EPB41L5: variants seen among roughly 807,000 people sequenced by gnomAD.
EPB41L5 encodes band 4.1-like protein 5.
Under a neutral mutation model 106.6 loss-of-function variants are expected in EPB41L5, and 55 were observed. The ratio of observed to expected loss-of-function variants is 0.52; its 90% confidence interval spans 0.42 to 0.65. EPB41L5 has a LOEUF of 0.65. Ranked by LOEUF, EPB41L5 falls within the 30% of genes least tolerant of loss-of-function variation. The pLI, the probability that EPB41L5 is intolerant of heterozygous loss-of-function variation, is 0.00. For missense variants in EPB41L5, 871 were observed against 882.1 expected (o/e 0.99, Z 0.16); for synonymous variants, 297 against 306.7 (o/e 0.97, Z 0.33).
intron 18 of EPB41L5, among the ~76,000 whole-genome samples, chr2:120,141,276 A>T (rs912102465): frequency 2.6e-5 from 4 of 152,142 alleles, no homozygotes; most frequent in African/African-American, 9.6e-5. Context: ...TCTAAATCCC[A>T]CAGAAGTTAA....
chr2:120,064,627 C>T (rs1393715135), intron 3 of EPB41L5, among the ~76,000 whole-genome samples: 2 of 152,154 alleles, frequency 1.3e-5, no homozygotes, highest in African/African-American at 4.8e-5. Context: ...ATGTGGCTTT[C>T]TACATCCTTT....
Position 120,047,921 on chromosome 2 carries a change from T to C in EPB41L5, c.285+5811T>C, listed in dbSNP as rs915724928. ...TTTTCTGCATCTATTGAGATAATCATGTGTTTTTTGTCTTTGCTTCTGTTT... is the reference window on the plus strand; with the variant it reads ...TTTTCTGCATCTATTGAGATAATCACGTGTTTTTTGTCTTTGCTTCTGTTT... On this transcript the variant is annotated intron_variant, in intron 3 of 24. Transcript: ENST00000263713. Among the ~76,000 whole-genome samples the C allele has an allele frequency of 2.7e-4, 41 of 152,244 alleles. 1 individual carries two copies. Among genetic ancestry groups the C allele is most frequent in the African/African-American group, 8.0e-4 (33 of 41,456 alleles).
intron 18 of EPB41L5, among the ~76,000 whole-genome samples, chr2:120,140,904 C>G (rs959601578): frequency 2.0e-5 from 3 of 152,024 alleles, no homozygotes; most frequent in African/African-American, 7.2e-5. Context: ...GTTGGCCTGA[C>G]TAAAGTAATT....
chr2:120,117,280 C>G (rs550145149), intron 16 of EPB41L5, among the ~76,000 whole-genome samples: 96 of 152,230 alleles, frequency 6.3e-4, no homozygotes, highest in African/African-American at 2.2e-3. Context: ...TTAATATGTG[C>G]TAAACAGTTT....
At chr2:120,128,630 A>C (rs914616956) in intron 17 of EPB41L5, among the ~76,000 whole-genome samples, 2 of 152,188 alleles carry the variant, frequency 1.3e-5, no homozygotes, top group African/African-American at 4.8e-5. Flanking sequence ...AACATGTTGA[A>C]GTATGACTGA....
intron 24 of EPB41L5, among the ~76,000 whole-genome samples, chr2:120,172,618 C>T (rs1320361527): frequency 6.6e-6 from 1 of 152,170 alleles, no homozygotes; most frequent in Non-Finnish European, 1.5e-5. Context: ...TCCATGTAGC[C>T]TTCCTCAGGA....
chr2:120,089,464 G>A (rs183000987), intron 11 of EPB41L5, among the ~76,000 whole-genome samples: 4 of 151,980 alleles, frequency 2.6e-5, no homozygotes, highest in Non-Finnish European at 5.9e-5. Context: ...TATATTTGCA[G>A]CTTGCCTGTT....
intron 3 of EPB41L5, among the ~76,000 whole-genome samples, chr2:120,051,034 G>A (rs1370210767): frequency 1.3e-5 from 2 of 152,158 alleles, no homozygotes; most frequent in East Asian, 3.9e-4. Flanking sequence ...GTCTTAGAGG[G>A]GTACCCAGCC....
chr2:120,093,158 A>T, intron 13 of EPB41L5, 91 bp from the exon 14 acceptor site: 41 of 1,026,344 alleles, frequency 4.0e-5, no homozygotes, highest in East Asian at 1.2e-4. Context: ...CATGGCTTGT[A>T]AAGCAATTAG....
chr2:120,074,381 G>T (rs192757822), intron 5 of EPB41L5: 3 of 493,850 alleles, frequency 6.1e-6, no homozygotes, highest in East Asian at 3.4e-5. Flanking sequence ...TAAAGAGTTG[G>T]TTTCTTAGCA....
At chr2:120,038,854 TCAAA>T (rs969123868) in intron 2 of EPB41L5, among the ~76,000 whole-genome samples, 28 of 152,340 alleles carry the variant, frequency 1.8e-4, no homozygotes, top group Admixed American at 4.6e-4. Flanking sequence ...AAGCAGGGAC[TCAAA>T]CAGATACTTA....
intron 2 of EPB41L5, among the ~76,000 whole-genome samples, chr2:120,028,215 T>C (rs1252668163): frequency 6.6e-6 from 1 of 152,048 alleles, no homozygotes; most frequent in East Asian, 1.9e-4. Context: ...TGTATTTGTA[T>C]TTTATTCCAC....
chr2:120,082,754 A>G (rs1682766138), intron 10 of EPB41L5, among the ~76,000 whole-genome samples: 1 of 152,134 alleles, frequency 6.6e-6, no homozygotes, highest in Non-Finnish European at 1.5e-5. Flanking sequence ...TTTGGTTGGT[A>G]GACTATTAAT....
At chr2:120,127,157 ATTAAGG>A (rs1435550765) in intron 16 of EPB41L5, among the ~76,000 whole-genome samples, 2 of 152,084 alleles carry the variant, frequency 1.3e-5, no homozygotes, top group African/African-American at 4.8e-5. Flanking sequence ...AACCTTACTT[ATTAAGG>A]TTATTTTTTT....
chr2:120,150,574 T>C (rs1484179469), intron 20 of EPB41L5, among the ~76,000 whole-genome samples: 1 of 152,150 alleles, frequency 6.6e-6, no homozygotes, highest in Non-Finnish European at 1.5e-5. Context: ...GCTCCTAGCC[T>C]CAGGCAATCC....
chr2:120,033,567 C>T (rs935966498), intron 2 of EPB41L5, among the ~76,000 whole-genome samples: 9 of 151,776 alleles, frequency 5.9e-5, no homozygotes, highest in South Asian at 2.1e-4. Flanking sequence ...ATTAGCCGGG[C>T]GTAGTAGCAG....
intron 19 of EPB41L5, among the ~76,000 whole-genome samples, chr2:120,144,526 T>C (rs1398743079): frequency 2.0e-5 from 3 of 152,230 alleles, no homozygotes; most frequent in Admixed American, 1.3e-4. Flanking sequence ...TAAAGGGATT[T>C]GATTTTATAG....
At chr2:120,107,660 C>T (rs532691475) in intron 16 of EPB41L5, among the ~76,000 whole-genome samples, 10 of 152,126 alleles carry the variant, frequency 6.6e-5, no homozygotes, top group Admixed American at 2.0e-4. Context: ...TACTATGAAT[C>T]GTGGATTTAG....
chr2:120,074,884 A>G (rs1251798343), intron 5 of EPB41L5, among the ~76,000 whole-genome samples: 1 of 152,130 alleles, frequency 6.6e-6, no homozygotes, highest in Non-Finnish European at 1.5e-5. Flanking sequence ...CTGGAGTGCA[A>G]TGGCATGTTC....
Sources: gnomAD v4.1 joint callset for allele counts (sites outside exome capture counted in the v4.1 genomes callset) on GRCh38, gnomAD v4.1.1 for gene constraint, MANE v1.5 for transcripts, NCBI Gene and HGNC (gene_info 2026-07-23, HGNC 2026-07-21) for gene names.